Variants in TRANK1 observed in about 807,000 individuals in gnomAD.
TRANK1 encodes the protein TPR and ankyrin repeat-containing protein 1.
In TRANK1, 198 loss-of-function variants were observed where a neutral mutation model predicts 266.0. The observed-to-expected ratio is 0.74, with a 90% CI of 0.66 to 0.84. The LOEUF (loss-of-function observed/expected upper bound fraction) is 0.84. Among genes scored for constraint, TRANK1 ranks in the 40% least tolerant of loss-of-function variants. The pLI, the probability that TRANK1 is intolerant of heterozygous loss-of-function variation, is 0.00. For missense variants in TRANK1, 3,326 were observed against 3,634.6 expected (o/e 0.92, Z 2.18); for synonymous variants, 1,396 against 1,384.1 (o/e 1.01, Z -0.19).
chr3:36,842,348 G>C (rs1403779310), intron 18 of TRANK1, among the ~76,000 whole-genome samples: 2 of 152,174 alleles, frequency 1.3e-5, no homozygotes, highest in African/African-American at 2.4e-5. Context: ...TATATACAAG[G>C]ATTCCTTGGT....
chr3:36,890,591 G>A (rs1311062068), intron 7 of TRANK1, among the ~76,000 whole-genome samples: 2 of 152,150 alleles, frequency 1.3e-5, no homozygotes, highest in Non-Finnish European at 2.9e-5. Flanking sequence ...GGGGGTGAGG[G>A]GGTTGGTGGC....
At chr3:36,934,465 C>A (rs1315708346) in intron 1 of TRANK1, among the ~76,000 whole-genome samples, 1 of 152,108 alleles carries the variant, frequency 6.6e-6, no homozygotes, top group Non-Finnish European at 1.5e-5. Flanking sequence ...GTTGTTTTTT[C>A]TCTCATTCAT....
rs749352404 is a variant in TRANK1 at position 36,830,986 on chromosome 3, T to C, written c.8597A>G (p.His2866Arg). Residue 2866 changes from histidine (H) to arginine (R), a missense_variant, in exon 22 of 24, where the codon CAC (histidine) becomes CGC (arginine). His to Arg is a conservative substitution (Grantham distance 29, BLOSUM62 0). Coordinates refer to ENST00000645898, the MANE Select transcript of TRANK1 (RefSeq NM_001329998.2). ...GTGCTCCTTGGAGCCCACGTGACTG[T>C]GGATCCATACACTTTGCTCGATGTC... The part of the protein sequence containing the change: ...VQDIEQSVWI[H>R]SHVGSKEHSH... 2.5e-6 allele frequency: 4 copies of C among 1,614,030 alleles called. No homozygotes were observed. The highest frequency in any genetic ancestry group is 2.5e-6 in the Non-Finnish European group (3 of 1,179,894).
chr3:36,828,043 T>TG lies in TRANK1; in HGVS notation c.*231dup. 2.1e-6 allele frequency: 1 copy of TG among 483,814 alleles called. No individual in the cohort carries two copies. The highest frequency in any genetic ancestry group is 3.7e-6 in the Non-Finnish European group (1 of 266,994). The allele number at this position is 483,814 out of a possible 1,614,324, so 30.0% of individuals were successfully genotyped here. A position where few individuals can be genotyped will look rare whatever the true frequency, so the allele number is the denominator to read the frequency against. ...CAACTTCTCTACCTGAATTTGTTTG[T>TG]GGGGGAAACTAATACTGCCAGACTC... On this transcript the variant is annotated 3_prime_UTR_variant, in exon 24 of 24. Coordinates refer to ENST00000645898, the MANE Select transcript of TRANK1 (RefSeq NM_001329998.2).
chr3:36,908,525 C>G, intron 1 of TRANK1, 71 bp from the exon 2 acceptor site: 3 of 1,231,904 alleles, frequency 2.4e-6, no homozygotes, highest in Non-Finnish European at 3.0e-6. Flanking sequence ...GTCTGCATTG[C>G]TGAAATCTGG....
At chr3:36,893,887 C>CTT (rs10646646) in intron 5 of TRANK1, among the ~76,000 whole-genome samples, 33,367 of 146,102 alleles carry the variant, frequency 0.23, 4,295 homozygotes, top group East Asian at 0.56. Flanking sequence ...GATACCCATT[C>CTT]TTTTTTTTTT....
chr3:36,835,126 C>CG (rs2125509757), intron 20 of TRANK1, among the ~76,000 whole-genome samples: 1 of 151,372 alleles, frequency 6.6e-6, no homozygotes, highest in African/African-American at 2.4e-5. Context: ...GAGACCATCC[C>CG]GGCTAAAACG....
chr3:36,865,540 T>A (rs2079203941), intron 9 of TRANK1, among the ~76,000 whole-genome samples: 1 of 152,086 alleles, frequency 6.6e-6, no homozygotes, highest in Non-Finnish European at 1.5e-5. Flanking sequence ...GGCAATATCT[T>A]TTTCATTCAA....
At chr3:36,844,338 T>C (rs2078887057) in intron 17 of TRANK1, among the ~76,000 whole-genome samples, 1 of 152,198 alleles carries the variant, frequency 6.6e-6, no homozygotes, top group African/African-American at 2.4e-5. Context: ...GCAATTCTCC[T>C]GCCTCAGTCT....
At chr3:36,829,009 G>T (rs2078662178) in intron 23 of TRANK1, among the ~76,000 whole-genome samples, 1 of 152,176 alleles carries the variant, frequency 6.6e-6, no homozygotes, top group Non-Finnish European at 1.5e-5. Context: ...AAACATTCTG[G>T]ATCACATATA....
rs771679113 is a variant in TRANK1 at position 36,892,852 on chromosome 3, C to CAAAACAT, written c.636+48_636+49insATGTTTT. 144 of 581,952 alleles carry CAAAACAT rather than the reference C, an allele frequency of 2.5e-4. No individual in the cohort carries two copies. In the African/African-American group the frequency reaches 3.0e-3, roughly 12 times the overall value. 36.0% of individuals were successfully genotyped at this position (581,952 alleles called of 1,614,324 possible). A position where few individuals can be genotyped will look rare whatever the true frequency, so the allele number is the denominator to read the frequency against. On this transcript the variant is annotated intron_variant, in intron 6 of 23. Transcript: ENST00000645898. The stretch of plus-strand genomic sequence containing the variant: ...CAAAACAAAACAAAACAAAACAAAA[C>CAAAACAT]ATATATATATATATATATAGATATA...
At chr3:36,849,930 T>C in intron 15 of TRANK1, 2 of 683,946 alleles carry the variant, frequency 2.9e-6, no homozygotes, top group Non-Finnish European at 3.6e-6. Context: ...TTTGGGATTG[T>C]TTTAGTTTCA....
At chr3:36,860,741 G>A (rs2079130451) in intron 11 of TRANK1, among the ~76,000 whole-genome samples, 165 bp downstream of exon 11, 1 of 152,206 alleles carries the variant, frequency 6.6e-6, no homozygotes, top group Admixed American at 6.5e-5. Context: ...TCACTCACAG[G>A]GCAGTAACCT....
At chr3:36,887,425 G>A (rs2079623111) in intron 8 of TRANK1, among the ~76,000 whole-genome samples, 1 of 152,108 alleles carries the variant, frequency 6.6e-6, no homozygotes, top group South Asian at 2.1e-4. Context: ...ATCTTAAAAT[G>A]TATCTGTATA....
Position 36,944,858 on chromosome 3 carries a change from G to A in TRANK1, c.-49C>T. On this transcript the variant is annotated 5_prime_UTR_variant, in exon 1 of 24. Transcript: ENST00000645898. Reference sequence around the variant, plus strand: ...CAGGACCGCCGCCGCCTGGGGAAGCGCTTCCCTGTGGGCAGGGCGCGGCGG... The same window carrying A: ...CAGGACCGCCGCCGCCTGGGGAAGCACTTCCCTGTGGGCAGGGCGCGGCGG... The A allele has an allele frequency of 7.0e-7, 1 of 1,432,950 alleles. No homozygotes were observed. Among genetic ancestry groups the A allele is most frequent in the South Asian group, 1.4e-5 (1 of 72,054 alleles). 88.8% of individuals were successfully genotyped at this position (1,432,950 alleles called of 1,614,324 possible).
Position 36,857,524 on chromosome 3 carries a change from A to C in TRANK1, c.2198T>G (p.Met733Arg). The C allele has an allele frequency of 6.2e-7, 1 of 1,614,032 alleles. No individual in the cohort carries two copies. The highest frequency in any genetic ancestry group is 8.5e-7 in the Non-Finnish European group (1 of 1,179,886). ...LRPCSLRDCL[M>R]QDITVLIQQV... is the part of the protein sequence containing the mutation. ...CTGAATCAAAACTGTGATGTCCTGC[A>C]TAAGGCAGTCTCTCAGCGAGCAGGG... Residue 733 changes from methionine to arginine, a missense_variant, in exon 13 of 24, where the codon ATG becomes AGG. Transcript: ENST00000645898. The surrounding 1 kb of genome is among the most constrained non-coding windows in gnomAD (Gnocchi z 4.3).
intron 17 of TRANK1, 47 bp downstream of exon 17, chr3:36,846,201 G>A (rs749989563): frequency 6.6e-7 from 1 of 1,507,566 alleles, no homozygotes; most frequent in African/African-American, 1.4e-5. Flanking sequence ...ACAGTTGAGA[G>A]AAACACGATT....
chr3:36,857,346 C>T lies in TRANK1; in HGVS notation c.2376G>A (p.Gln792=). 1 of 1,606,890 alleles carries T rather than the reference C, an allele frequency of 6.2e-7. No individual in the cohort carries two copies. The highest frequency in any genetic ancestry group is 1.1e-5 in the South Asian group (1 of 89,678). Reference sequence around the variant, plus strand: ...CAAGCTGCAAGGCCCCAAGGCCCACCTGAGCATGTCCTTCCCCCACCTCAC... The same window carrying T: ...CAAGCTGCAAGGCCCCAAGGCCCACTTGAGCATGTCCTTCCCCCACCTCAC... The part of the protein sequence containing the change: ...DCSEVGEGHA[Q]VGLGALQLVP... The change falls in exon 13 of 24, where the codon CAG becomes CAA. Residue 792 remains glutamine (Q), a synonymous_variant. Coordinates refer to ENST00000645898, the MANE Select transcript of TRANK1 (RefSeq NM_001329998.2). The surrounding 1 kb of genome is among the most constrained non-coding windows in gnomAD (Gnocchi z 4.3).
At chr3:36,923,876 C>T (rs2080251784) in intron 1 of TRANK1, among the ~76,000 whole-genome samples, 1 of 152,190 alleles carries the variant, frequency 6.6e-6, no homozygotes, top group Non-Finnish European at 1.5e-5. Context: ...GCTTCTTAAC[C>T]ATCCTGGTGC....
Sources: allele counts gnomAD v4.1 joint callset (sites outside exome capture counted in the v4.1 genomes callset), GRCh38; gene constraint gnomAD v4.1.1; non-coding constraint Gnocchi (gnomAD v3.1); transcripts MANE v1.5; gene names NCBI Gene and HGNC (gene_info 2026-07-23, HGNC 2026-07-21).